Variants in RAB5A observed in about 807,000 individuals in gnomAD.
RAB5A encodes RAB5A, member RAS oncogene family.
A neutral mutation model predicts 25.7 loss-of-function variants in RAB5A; 8 were observed. That is an observed-to-expected ratio of 0.31 (90% CI 0.18 to 0.56). The LOEUF (loss-of-function observed/expected upper bound fraction) is 0.56, where lower values mean the gene tolerates loss of function less well. RAB5A is among the 20% of genes least tolerant of loss of function. RAB5A has a pLI of 0.91. For synonymous variants in RAB5A, 98 were observed against 89.8 expected, an observed-to-expected ratio of 1.09 and a Z score of -0.52; for missense variants, 192 against 259.7, an observed-to-expected ratio of 0.74 and a Z score of 1.79.
rs1438640481 is a variant in RAB5A at position 19,947,273 on chromosome 3, C to T, written c.-342C>T. 2.5e-5 allele frequency: 5 copies of T among 200,310 alleles called. No individual in the cohort carries two copies. Among genetic ancestry groups the T allele is most frequent in the Non-Finnish European group, 4.8e-5 (5 of 103,540 alleles). 12.4% of individuals were successfully genotyped at this position (200,310 alleles called of 1,614,324 possible). A position where few individuals can be genotyped will look rare whatever the true frequency, so the allele number is the denominator to read the frequency against. Reference sequence around the variant, plus strand: ...TTAGTCGGAACTCCAGCGCCGGCGGCGGCGGCGGCGGCGGAGGAGGAGAAA... The same window carrying T: ...TTAGTCGGAACTCCAGCGCCGGCGGTGGCGGCGGCGGCGGAGGAGGAGAAA... On this transcript the variant is annotated 5_prime_UTR_variant, in exon 1 of 6. Transcript: ENST00000273047.
At chr3:19,959,414 C>T (rs1184853356) in intron 2 of RAB5A, among the ~76,000 whole-genome samples, 3 of 151,556 alleles carry the variant, frequency 2.0e-5, no homozygotes, top group African/African-American at 7.3e-5. Context: ...AAGCCTAAAT[C>T]TCCAACTGAT....
At chr3:19,976,647 T>C (rs1207899663) in intron 4 of RAB5A, among the ~76,000 whole-genome samples, 1 of 152,198 alleles carries the variant, frequency 6.6e-6, no homozygotes, top group Non-Finnish European at 1.5e-5. Flanking sequence ...ATCACACTAT[T>C]GCACTCCAGC....
intron 2 of RAB5A, among the ~76,000 whole-genome samples, chr3:19,973,426 G>T: frequency 6.8e-6 from 1 of 147,476 alleles, no homozygotes; most frequent in South Asian, 2.2e-4. Context: ...CTTGAAAAAA[G>T]GCTTATGTAT....
intron 2 of RAB5A, among the ~76,000 whole-genome samples, chr3:19,967,684 T>C (rs572618445): frequency 1.8e-4 from 27 of 152,328 alleles, no homozygotes; most frequent in Admixed American, 5.9e-4. Context: ...ATATTCTCTT[T>C]TTGGGTTTAC....
intron 2 of RAB5A, among the ~76,000 whole-genome samples, chr3:19,968,010 C>T (rs759279067): frequency 6.6e-6 from 1 of 152,076 alleles, no homozygotes; most frequent in Non-Finnish European, 1.5e-5. Context: ...TCTGTTATGT[C>T]GGATTACTGC....
At chr3:19,977,232 C>T (rs1423774781) in intron 4 of RAB5A, among the ~76,000 whole-genome samples, 1 of 152,182 alleles carries the variant, frequency 6.6e-6, no homozygotes, top group African/African-American at 2.4e-5. Flanking sequence ...ACCACCACTC[C>T]TGGCTAATTT....
chr3:19,947,266 C>CGGCGG lies in RAB5A; in HGVS notation c.-349_-348insGGCGG. On this transcript the variant is annotated 5_prime_UTR_variant, in exon 1 of 6. Transcript: ENST00000273047. ...GGAAGAATTAGTCGGAACTCCAGCG[C>CGGCGG]CGGCGGCGGCGGCGGCGGCGGAGGA... 1.1e-5 allele frequency: 2 copies of CGGCGG among 182,514 alleles called. No homozygotes were observed. The highest frequency in any genetic ancestry group is 6.4e-5 in the Admixed American group (1 of 15,562). The allele number at this position is 182,514 out of a possible 1,614,324, so 11.3% of individuals were successfully genotyped here.
intron 5 of RAB5A, among the ~76,000 whole-genome samples, chr3:19,979,331 T>G (rs1412404021): frequency 6.6e-6 from 1 of 150,892 alleles, no homozygotes; most frequent in Non-Finnish European, 1.5e-5. Flanking sequence ...TCACCCAGGT[T>G]GGAGTGCAGT....
intron 5 of RAB5A, among the ~76,000 whole-genome samples, chr3:19,981,286 A>G (rs984262814): frequency 6.6e-6 from 1 of 152,196 alleles, no homozygotes; most frequent in Non-Finnish European, 1.5e-5. Context: ...CTACGGGATT[A>G]CATACAGAAA....
At chr3:19,961,026 T>G (rs1696577441) in intron 2 of RAB5A, among the ~76,000 whole-genome samples, 1 of 152,216 alleles carries the variant, frequency 6.6e-6, no homozygotes, top group Non-Finnish European at 1.5e-5. Context: ...TTACTATCGT[T>G]TTTATTTGAG....
intron 2 of RAB5A, among the ~76,000 whole-genome samples, chr3:19,960,599 C>A (rs1417152378): frequency 6.6e-6 from 1 of 152,190 alleles, no homozygotes; most frequent in Non-Finnish European, 1.5e-5. Context: ...CTTTTTCAGG[C>A]ATCATTTTTT....
chr3:19,977,794 CA>C (rs1006457648), intron 4 of RAB5A, among the ~76,000 whole-genome samples: 2 of 151,938 alleles, frequency 1.3e-5, no homozygotes, highest in Admixed American at 1.3e-4. Flanking sequence ...AAAAGCATGA[CA>C]AAAATGTAGG....
chr3:19,958,082 A>C (rs878935883), intron 2 of RAB5A, among the ~76,000 whole-genome samples: 1 of 152,126 alleles, frequency 6.6e-6, no homozygotes, highest in Non-Finnish European at 1.5e-5. Context: ...GCATGTGCAC[A>C]TTGTTAAAAG....
At chr3:19,983,591 T>C (rs1176306745) in intron 5 of RAB5A, 117 bp from the exon 6 acceptor site, 3 of 706,140 alleles carry the variant, frequency 4.2e-6, no homozygotes, top group Admixed American at 2.3e-5. Flanking sequence ...AATGAACATA[T>C]GGTTATATGA....
At chr3:19,951,701 G>GTTCTTTTTTTT (rs1696425159) in intron 2 of RAB5A, among the ~76,000 whole-genome samples, 1 of 99,014 alleles carries the variant, frequency 1.0e-5, no homozygotes, top group Non-Finnish European at 2.0e-5. Context: ...TGCCAGGCAA[G>GTTCTTTTTTTT]TTTTTTTTTT....
rs1450436925 is a variant in RAB5A at position 19,947,447 on chromosome 3, C to T, written c.-168C>T. On this transcript the variant is annotated 5_prime_UTR_variant, in exon 1 of 6. Transcript: ENST00000273047. The stretch of plus-strand genomic sequence containing the variant: ...CCACCACCACCGCCATAGATACACT[C>T]TCATCCTACGGGCCACGCCTGGGCC... 1.3e-5 allele frequency: 2 copies of T among 155,550 alleles called. No homozygotes were observed. Among genetic ancestry groups the T allele is most frequent in the Non-Finnish European group, 2.8e-5 (2 of 70,374 alleles). 9.6% of individuals were successfully genotyped at this position (155,550 alleles called of 1,614,324 possible). A position where few individuals can be genotyped will look rare whatever the true frequency, so the allele number is the denominator to read the frequency against.
chr3:19,951,149 A>G, intron 2 of RAB5A, 88 bp downstream of exon 2: 1 of 1,450,472 alleles, frequency 6.9e-7, no homozygotes, highest in Non-Finnish European at 9.4e-7. Context: ...GATTATGAAT[A>G]GCTAAATAAG....
intron 2 of RAB5A, among the ~76,000 whole-genome samples, chr3:19,951,588 G>A (rs1253785654): frequency 1.3e-5 from 2 of 151,850 alleles, no homozygotes; most frequent in Non-Finnish European, 2.9e-5. Context: ...TGCAGTGTCC[G>A]GATCATAGCT....
chr3:19,982,184 G>C (rs1287664039), intron 5 of RAB5A, among the ~76,000 whole-genome samples: 4 of 152,128 alleles, frequency 2.6e-5, no homozygotes, highest in Non-Finnish European at 5.9e-5. Context: ...GCTGCAGTGA[G>C]CTATGATTGA....
Sources: allele counts gnomAD v4.1 joint callset (sites outside exome capture counted in the v4.1 genomes callset), GRCh38; gene constraint gnomAD v4.1.1; transcripts MANE v1.5; gene names NCBI Gene and HGNC (gene_info 2026-07-23, HGNC 2026-07-21).